The following FRMD3 variants were observed in gnomAD, a reference collection of about 807,000 sequenced individuals.
FRMD3 encodes FERM domain containing 3, also known as FERM domain-containing protein 3.
In FRMD3, 33 loss-of-function variants were observed where a neutral mutation model predicts 70.2. The ratio of observed to expected loss-of-function variants is 0.47; its 90% CI spans 0.36 to 0.63. The LOEUF is 0.63. Among genes scored for constraint, FRMD3 ranks in the 20% least tolerant of loss-of-function variants. FRMD3 has a pLI of 0.00. For synonymous variants in FRMD3, 279 were observed against 255.9 expected, an observed-to-expected ratio of 1.09 and a Z score of -0.86; for missense variants, 632 against 711.4, an observed-to-expected ratio of 0.89 and a Z score of 1.27.
chr9:83,430,666 CCTAT>C (rs1265386586), intron 1 of FRMD3, among the ~76,000 whole-genome samples: 1 of 152,118 alleles, frequency 6.6e-6, no homozygotes, highest in Non-Finnish European at 1.5e-5. Flanking sequence ...CAAACATTCA[CCTAT>C]CTTTTTCACT....
At chr9:83,312,414 T>C (rs529024044) in intron 7 of FRMD3, among the ~76,000 whole-genome samples, 3 of 152,294 alleles carry the variant, frequency 2.0e-5, no homozygotes, top group East Asian at 3.9e-4. Flanking sequence ...AATTTCAGTA[T>C]AAAAATATCT....
chr9:83,478,238 C>T (rs1828444007), intron 1 of FRMD3, among the ~76,000 whole-genome samples: 2 of 152,182 alleles, frequency 1.3e-5, no homozygotes, highest in African/African-American at 4.8e-5. Context: ...CCACAGTGTT[C>T]CTCCCATAAG....
intron 13 of FRMD3, chr9:83,275,947 G>A (rs910987112): frequency 2.6e-5 from 4 of 152,196 alleles, no homozygotes; most frequent in Non-Finnish European, 4.4e-5. Context: ...TCTCAGCTTT[G>A]CACAGTGGCA....
At chr9:83,498,140 C>T (rs184999641) in intron 1 of FRMD3, among the ~76,000 whole-genome samples, 6 of 151,028 alleles carry the variant, frequency 4.0e-5, no homozygotes, top group African/African-American at 7.3e-5. Context: ...ACTGCACTCT[C>T]GCCTGGAAGA....
At chr9:83,340,781 G>A (rs1157845705) in intron 5 of FRMD3, among the ~76,000 whole-genome samples, 5 of 152,172 alleles carry the variant, frequency 3.3e-5, no homozygotes, top group African/African-American at 7.2e-5. Flanking sequence ...TCCTTGTGGA[G>A]ACAAGGTCTT....
At chr9:83,495,180 G>A (rs939990902) in intron 1 of FRMD3, among the ~76,000 whole-genome samples, 1 of 152,116 alleles carries the variant, frequency 6.6e-6, no homozygotes, top group Admixed American at 6.6e-5. Flanking sequence ...AGACAAAGAG[G>A]CTGGGAAGCA....
chr9:83,477,337 A>C (rs1828425032), intron 1 of FRMD3, among the ~76,000 whole-genome samples: 1 of 152,148 alleles, frequency 6.6e-6, no homozygotes, highest in Non-Finnish European at 1.5e-5. Context: ...ATTATTTGAG[A>C]ACCAATCAGG....
At position 83,538,245 on chromosome 9, in the gene FRMD3, G is replaced by T; in HGVS notation, c.-14C>A. The T allele has an allele frequency of 6.4e-7, 1 of 1,550,820 alleles. No homozygotes were observed. The highest frequency in any genetic ancestry group is 2.4e-5 in the East Asian group (1 of 41,008). On this transcript the variant is annotated 5_prime_UTR_variant, in exon 1 of 14. Coordinates refer to ENST00000304195, the MANE Select transcript of FRMD3 (RefSeq NM_174938.6). This position sits in a 1 kb window ranked among gnomAD's most constrained non-coding sequence, Gnocchi z 4.7. The stretch of plus-strand genomic sequence containing the variant: ...GGAGGCGAACATGCACCGCGGCCGT[G>T]GGGAGCGAGCGGGAGGCTCAGGGCC...
intron 1 of FRMD3, among the ~76,000 whole-genome samples, chr9:83,455,349 T>G (rs1295108994): frequency 6.6e-6 from 1 of 152,174 alleles, no homozygotes; most frequent in African/African-American, 2.4e-5. Context: ...CTCCCAGAAT[T>G]CCCACATGTT....
intron 3 of FRMD3, among the ~76,000 whole-genome samples, chr9:83,353,093 C>T (rs1824216040): frequency 6.6e-6 from 1 of 152,056 alleles, no homozygotes. Context: ...ATCATATATG[C>T]CCTACTGTGT....
At chr9:83,264,362 T>C (rs1306897618) in intron 13 of FRMD3, among the ~76,000 whole-genome samples, 1 of 152,224 alleles carries the variant, frequency 6.6e-6, no homozygotes, top group East Asian at 1.9e-4. Flanking sequence ...CAAACTATTA[T>C]GTATGATACA....
At chr9:83,343,167 G>A in intron 5 of FRMD3, 23 bp downstream of exon 5, 1 of 1,524,796 alleles carries the variant, frequency 6.6e-7, no homozygotes, top group Non-Finnish European at 9.1e-7. Context: ...AAGGTGGCGT[G>A]GGTGAGCTGT....
At chr9:83,329,564 A>G (rs939147590) in intron 6 of FRMD3, among the ~76,000 whole-genome samples, 2 of 152,184 alleles carry the variant, frequency 1.3e-5, no homozygotes, top group African/African-American at 4.8e-5. Flanking sequence ...TGATAACTCC[A>G]TTTTTTTAAA....
At chr9:83,572,614 G>A in the FRMD3 span, among the ~76,000 whole-genome samples, 4 of 152,156 alleles carry the variant, frequency 2.6e-5, no homozygotes, top group Admixed American at 2.6e-4. Context: ...AATATAGAAT[G>A]ATTGCTACGC....
In FRMD3 at chr9:83,309,630, T is replaced by G; in HGVS notation, c.838-6A>C. On this transcript the variant is annotated splice_region_variant and splice_polypyrimidine_tract_variant and intron_variant, in intron 9 of 13. Transcript: ENST00000304195. ...AATGCCAACATGGCTTTTTTCTAAT[T>G]AAAAAATAACAAAACAAGAAAAGGC... 6.4e-7 allele frequency: 1 copy of G among 1,558,816 alleles called. No individual in the cohort carries two copies. The highest frequency in any genetic ancestry group is 8.7e-7 in the Non-Finnish European group (1 of 1,149,824).
intron 6 of FRMD3, among the ~76,000 whole-genome samples, chr9:83,323,503 G>A (rs895029090): frequency 9.9e-5 from 15 of 152,094 alleles, no homozygotes; most frequent in South Asian, 2.1e-4. Flanking sequence ...GATTGATTTC[G>A]TGAGGGTTTT....
chr9:83,258,243 A>C (rs998103916), intron 13 of FRMD3, among the ~76,000 whole-genome samples: 3 of 152,224 alleles, frequency 2.0e-5, no homozygotes, highest in Non-Finnish European at 2.9e-5. Context: ...TCTTCATCTC[A>C]TTACTGAAGC....
downstream of FRMD3, among the ~76,000 whole-genome samples, chr9:83,243,861 G>A (rs1049018378): frequency 2.0e-5 from 3 of 151,996 alleles, no homozygotes; most frequent in Non-Finnish European, 4.4e-5. Context: ...TTAGCTTTGC[G>A]CCAAACCTAA....
intron 1 of FRMD3, among the ~76,000 whole-genome samples, chr9:83,460,224 C>T (rs1034261714): frequency 6.6e-6 from 1 of 152,152 alleles, no homozygotes; most frequent in African/African-American, 2.4e-5. Flanking sequence ...CCAAATAAAT[C>T]ACCTGCACAT....
Sources: gnomAD v4.1 joint callset for allele counts (sites outside exome capture counted in the v4.1 genomes callset) on GRCh38, gnomAD v4.1.1 for gene constraint, Gnocchi (gnomAD v3.1) non-coding constraint, MANE v1.5 for transcripts, NCBI Gene and HGNC (gene_info 2026-07-23, HGNC 2026-07-21) for gene names.